Variants in FGGY observed in about 807,000 individuals in gnomAD.
The protein encoded by FGGY is FGGY carbohydrate kinase domain-containing protein.
FGGY carries 72 observed loss-of-function variants against 71.3 expected under a neutral mutation model. The ratio of observed to expected loss-of-function variants is 1.01; its 90% CI spans 0.84 to 1.23. FGGY has a LOEUF of 1.23. Among genes scored for constraint, FGGY ranks in the 50% most tolerant of loss-of-function variants. FGGY has a pLI of 0.00. For missense variants in FGGY, 668 were observed against 682.3 expected, an observed-to-expected ratio of 0.98 and a Z score of 0.23; for synonymous variants, 251 against 250.3, an observed-to-expected ratio of 1.00 and a Z score of -0.02.
In FGGY at chr1:59,395,130, G is replaced by A. The variant is rs116502936; in HGVS notation, c.554+16293G>A. 2.9e-3 allele frequency among the ~76,000 whole-genome samples: 436 copies of A among 152,106 alleles called. 3 individuals carry two copies. The highest frequency in any genetic ancestry group is 0.01 in the African/African-American group (416 of 41,502). Reference sequence around the variant, plus strand: ...CTTCAAGAACTTCTCTCATTGTAGTGTAATTATTTCTTGACATACATTTTT... The same window carrying A: ...CTTCAAGAACTTCTCTCATTGTAGTATAATTATTTCTTGACATACATTTTT... On this transcript the variant is annotated intron_variant, in intron 5 of 15. Coordinates refer to ENST00000303721, the MANE Select transcript of FGGY (RefSeq NM_018291.5).
chr1:59,698,996 A>G, intron 14 of FGGY: 1 of 985,300 alleles, frequency 1.0e-6, no homozygotes, highest in Non-Finnish European at 1.2e-6. Context: ...ATGTTTAAAT[A>G]TGTTTAATAA....
At chr1:59,348,533 A>C (rs570292976) in intron 4 of FGGY, among the ~76,000 whole-genome samples, 1 of 152,268 alleles carries the variant, frequency 6.6e-6, no homozygotes, top group South Asian at 2.1e-4. Context: ...AAGGACTTGA[A>C]AACCTCTAGG....
At chr1:59,382,735 G>A (rs574029035) in intron 5 of FGGY, among the ~76,000 whole-genome samples, 1 of 152,300 alleles carries the variant, frequency 6.6e-6, no homozygotes, top group Admixed American at 6.5e-5. Context: ...GTTGTCATGT[G>A]TATGGGCAAT....
intron 9 of FGGY, among the ~76,000 whole-genome samples, chr1:59,623,277 C>A: frequency 6.6e-6 from 1 of 152,232 alleles, no homozygotes; most frequent in East Asian, 1.9e-4. Flanking sequence ...TTTTTATGGC[C>A]TTTGATCTAA....
At chr1:59,392,921 T>C (rs1178153664) in intron 5 of FGGY, among the ~76,000 whole-genome samples, 1 of 152,180 alleles carries the variant, frequency 6.6e-6, no homozygotes, top group Non-Finnish European at 1.5e-5. Context: ...TGCCAAAAAC[T>C]GCATTCACCA....
At chr1:59,395,859 A>G (rs934543052) in intron 5 of FGGY, among the ~76,000 whole-genome samples, 1 of 152,174 alleles carries the variant, frequency 6.6e-6, no homozygotes, top group Non-Finnish European at 1.5e-5. Context: ...TGTTTGCCAT[A>G]ATGGTTCCTT....
chr1:59,376,487 C>A (rs2058674531), intron 4 of FGGY, among the ~76,000 whole-genome samples: 1 of 152,128 alleles, frequency 6.6e-6, no homozygotes, highest in Non-Finnish European at 1.5e-5. Flanking sequence ...GTAGGAGGAA[C>A]TCACAGAATT....
intron 8 of FGGY, among the ~76,000 whole-genome samples, chr1:59,588,352 C>A (rs1029111524): frequency 6.6e-6 from 1 of 151,896 alleles, no homozygotes. Context: ...AGAATGGAAC[C>A]AAGTTGAAAA....
intron 5 of FGGY, among the ~76,000 whole-genome samples, chr1:59,427,612 T>C (rs886263912): frequency 1.3e-5 from 2 of 152,198 alleles, no homozygotes; most frequent in Non-Finnish European, 2.9e-5. Flanking sequence ...TGAGAGATGC[T>C]TTATTTTTCC....
At chr1:59,577,609 A>G (rs1448273490) in intron 8 of FGGY, among the ~76,000 whole-genome samples, 2 of 152,166 alleles carry the variant, frequency 1.3e-5, no homozygotes, top group South Asian at 2.1e-4. Context: ...ATTTGGATTT[A>G]TTGGTGAATA....
chr1:59,555,016 G>A (rs935414299), intron 8 of FGGY, among the ~76,000 whole-genome samples: 3 of 152,160 alleles, frequency 2.0e-5, no homozygotes, highest in African/African-American at 7.2e-5. Flanking sequence ...CAGCTATGGA[G>A]GAAATTAAGT....
chr1:59,669,087 T>G (rs1206350550), intron 13 of FGGY, among the ~76,000 whole-genome samples: 1 of 151,966 alleles, frequency 6.6e-6, no homozygotes, highest in Non-Finnish European at 1.5e-5. Context: ...ACCTACTATG[T>G]GTCAGTGTGA....
At chr1:59,647,636 A>C (rs929781504) in intron 11 of FGGY, among the ~76,000 whole-genome samples, 2 of 151,796 alleles carry the variant, frequency 1.3e-5, no homozygotes, top group African/African-American at 4.8e-5. Context: ...AGTCCCATGC[A>C]GTTGTAGGGC....
chr1:59,735,779 A>C (rs928466011), intron 14 of FGGY, among the ~76,000 whole-genome samples: 9 of 152,222 alleles, frequency 5.9e-5, no homozygotes, highest in African/African-American at 2.2e-4. Context: ...CTATAGAAAA[A>C]TAAATCAAAA....
At chr1:59,503,741 G>A (rs1470413003) in intron 6 of FGGY, among the ~76,000 whole-genome samples, 2 of 150,218 alleles carry the variant, frequency 1.3e-5, no homozygotes, top group African/African-American at 2.4e-5. Context: ...AGGAATCATG[G>A]GTGAAAAAAA....
chr1:59,365,937 A>G (rs1171369379), intron 4 of FGGY, among the ~76,000 whole-genome samples: 1 of 152,244 alleles, frequency 6.6e-6, no homozygotes, highest in African/African-American at 2.4e-5. Flanking sequence ...ACCTAAAGCT[A>G]CACAGCTGTT....
At chr1:59,485,001 G>C (rs1043106117) in intron 6 of FGGY, among the ~76,000 whole-genome samples, 1 of 152,102 alleles carries the variant, frequency 6.6e-6, no homozygotes, top group South Asian at 2.1e-4. Flanking sequence ...ACACCCATAG[G>C]GGGGATGTGC....
intron 7 of FGGY, among the ~76,000 whole-genome samples, chr1:59,527,462 C>G (rs772634023): frequency 3.9e-5 from 6 of 152,212 alleles, no homozygotes; most frequent in Non-Finnish European, 8.8e-5. Context: ...GTCTCATACC[C>G]ACTCTTCTTT....
intron 14 of FGGY, among the ~76,000 whole-genome samples, chr1:59,732,538 A>G (rs1334059966): frequency 1.3e-5 from 2 of 152,162 alleles, no homozygotes; most frequent in South Asian, 2.1e-4. Context: ...AAGATGAGGA[A>G]TGGCAAAGTC....
Sources: gnomAD v4.1 joint callset for allele counts (sites outside exome capture counted in the v4.1 genomes callset) on GRCh38, gnomAD v4.1.1 for gene constraint, MANE v1.5 for transcripts, NCBI Gene and HGNC (gene_info 2026-07-23, HGNC 2026-07-21) for gene names.